Variants in PAWR observed in about 807,000 individuals in gnomAD.
PAWR encodes PRKC apoptosis WT1 regulator protein.
Under a neutral mutation model 32.0 loss-of-function variants are expected in PAWR, and 23 were observed. The observed-to-expected ratio is 0.72, with a 90% CI of 0.52 to 1.02. The LOEUF (loss-of-function observed/expected upper bound fraction) is 1.02, where lower values mean the gene tolerates loss of function less well. Ranked by LOEUF, PAWR falls within the 50% of genes least tolerant of loss-of-function variation. The pLI, the probability that PAWR is intolerant of heterozygous loss-of-function variation, is 0.00. For missense variants in PAWR, 457 were observed against 437.7 expected (o/e 1.04, Z -0.39); for synonymous variants, 226 against 187.1 (o/e 1.21, Z -1.70).
chr12:79,664,482 T>C (rs540704890), intron 2 of PAWR, among the ~76,000 whole-genome samples: 1 of 152,248 alleles, frequency 6.6e-6, no homozygotes, highest in African/African-American at 2.4e-5. Flanking sequence ...ATACTAAACC[T>C]ATATTTACTG....
chr12:79,639,814 C>T (rs886245488), intron 2 of PAWR, among the ~76,000 whole-genome samples: 1 of 136,538 alleles, frequency 7.3e-6, no homozygotes, highest in African/African-American at 3.4e-5. Context: ...CCATTCCATT[C>T]CTTTTCCTTT....
At chr12:79,604,212 A>G in intron 4 of PAWR, 1 of 977,940 alleles carries the variant, frequency 1.0e-6, no homozygotes, top group Middle Eastern at 5.2e-4. Flanking sequence ...GAATGTTAAC[A>G]TAAATCTCTA....
intron 2 of PAWR, among the ~76,000 whole-genome samples, chr12:79,675,028 T>C (rs910053411): frequency 2.0e-5 from 3 of 152,114 alleles, no homozygotes; most frequent in African/African-American, 7.2e-5. Context: ...AAAACAGAAC[T>C]ACCATCCAGA....
chr12:79,672,370 C>A (rs1246269281), intron 2 of PAWR, among the ~76,000 whole-genome samples: 1 of 152,158 alleles, frequency 6.6e-6, no homozygotes, highest in Non-Finnish European at 1.5e-5. Flanking sequence ...AAGTTTCCTG[C>A]CTCAAAACCT....
intron 3 of PAWR, among the ~76,000 whole-genome samples, chr12:79,616,840 G>T (rs148309096): frequency 2.4e-3 from 371 of 152,174 alleles, no homozygotes; most frequent in Non-Finnish European, 4.2e-3. Context: ...ACGTTGGTAC[G>T]AAAAGTAATT....
At position 79,621,214 on chromosome 12, in the gene PAWR, GAA is replaced by G. The variant is rs746919194; in HGVS notation, c.517-9_517-8del. The G allele has an allele frequency of 7.6e-6, 12 of 1,581,282 alleles. No individual in the cohort carries two copies. Among genetic ancestry groups the G allele is most frequent in the East Asian group, 6.7e-5 (3 of 44,582 alleles). On this transcript the variant is annotated splice_region_variant and splice_polypyrimidine_tract_variant and intron_variant, in intron 2 of 6. Coordinates refer to ENST00000328827, the MANE Select transcript of PAWR (RefSeq NM_002583.4). ...CTTCGTACTCATCTAAGCACTGAAA[GAA>G]AAAAAGAGTTTCCATTTTATTTCTA... is the stretch of plus-strand genomic sequence containing the variant.
intron 2 of PAWR, among the ~76,000 whole-genome samples, chr12:79,651,759 C>G (rs1260646585): frequency 6.6e-6 from 1 of 151,998 alleles, no homozygotes; most frequent in Non-Finnish European, 1.5e-5. Flanking sequence ...TCCTTGGTCT[C>G]TTCTGTAGTA....
At chr12:79,607,392 T>C (rs1280796262) in intron 4 of PAWR, among the ~76,000 whole-genome samples, 1 of 152,154 alleles carries the variant, frequency 6.6e-6, no homozygotes, top group Non-Finnish European at 1.5e-5. Context: ...CTGAGAGATA[T>C]ATTTGGTCGT....
At chr12:79,638,633 T>C (rs954649075) in intron 2 of PAWR, among the ~76,000 whole-genome samples, 4 of 151,576 alleles carry the variant, frequency 2.6e-5, no homozygotes, top group Admixed American at 6.6e-5. Context: ...GTTTCAACTA[T>C]GTACACAGAA....
At chr12:79,626,445 G>A (rs1417103832) in intron 2 of PAWR, among the ~76,000 whole-genome samples, 1 of 150,638 alleles carries the variant, frequency 6.6e-6, no homozygotes, top group Non-Finnish European at 1.5e-5. Context: ...ATTTTTAGTA[G>A]ATATGAGGGT....
chr12:79,603,667 A>ATTTT (rs899732732), intron 4 of PAWR: 11 of 97,892 alleles, frequency 1.1e-4, no homozygotes, highest in East Asian at 3.4e-4. Context: ...TCATTATGCT[A>ATTTT]TTTTTTTTTT....
At chr12:79,664,259 C>CA (rs1455928914) in intron 2 of PAWR, among the ~76,000 whole-genome samples, 3 of 152,030 alleles carry the variant, frequency 2.0e-5, no homozygotes, top group Admixed American at 2.0e-4. Context: ...TTTCATTACT[C>CA]AAAAAGATCT....
At chr12:79,622,066 A>T (rs1875048079) in intron 2 of PAWR, among the ~76,000 whole-genome samples, 1 of 152,148 alleles carries the variant, frequency 6.6e-6, no homozygotes, top group African/African-American at 2.4e-5. Flanking sequence ...TTGTAGAGAC[A>T]CTAAGGAACT....
chr12:79,600,939 G>C (rs1413615452), intron 4 of PAWR, among the ~76,000 whole-genome samples: 8 of 152,076 alleles, frequency 5.3e-5, no homozygotes, highest in Admixed American at 4.6e-4. Flanking sequence ...TGGATGTGAT[G>C]ATGACAAGTC....
intron 2 of PAWR, among the ~76,000 whole-genome samples, chr12:79,671,024 C>T (rs1019427065): frequency 4.7e-5 from 7 of 148,808 alleles, no homozygotes; most frequent in Admixed American, 3.4e-4. Flanking sequence ...CACAGTAGCA[C>T]GAACCTCTAG....
intron 3 of PAWR, among the ~76,000 whole-genome samples, chr12:79,616,981 G>A (rs1038276826): frequency 6.6e-6 from 1 of 152,132 alleles, no homozygotes; most frequent in African/African-American, 2.4e-5. Context: ...CAGACGACAC[G>A]AGTTTATTCC....
intron 4 of PAWR, among the ~76,000 whole-genome samples, chr12:79,607,980 C>G (rs185872311): frequency 6.8e-6 from 1 of 147,144 alleles, no homozygotes; most frequent in African/African-American, 2.5e-5. Flanking sequence ...ACCTGGGAGG[C>G]GGAGGTTGCA....
Position 79,590,698 on chromosome 12 carries a change from A to G in PAWR, c.*1909T>C, listed in dbSNP as rs1873528573. ...ATAAGGACATGTGTGCCACATAACT[A>G]AGGGTAACTAAAGGAAGATGAGTAC... On this transcript the variant is annotated 3_prime_UTR_variant, in exon 7 of 7. Coordinates refer to ENST00000328827, the MANE Select transcript of PAWR (RefSeq NM_002583.4). 1 of 152,212 alleles carries G rather than the reference A, an allele frequency of 6.6e-6. No homozygotes were observed. Among genetic ancestry groups the G allele is most frequent in the African/African-American group, 2.4e-5 (1 of 41,452 alleles). The allele number at this position is 152,212 out of a possible 1,614,324, so 9.4% of individuals were successfully genotyped here.
intron 4 of PAWR, among the ~76,000 whole-genome samples, chr12:79,612,012 T>A (rs1003216935): frequency 6.6e-6 from 1 of 152,102 alleles, no homozygotes; most frequent in African/African-American, 2.4e-5. Flanking sequence ...TACAACAAAC[T>A]TGATAAGTTG....
Sources: gnomAD v4.1 joint callset for allele counts (sites outside exome capture counted in the v4.1 genomes callset) on GRCh38, gnomAD v4.1.1 for gene constraint, MANE v1.5 for transcripts, NCBI Gene and HGNC (gene_info 2026-07-23, HGNC 2026-07-21) for gene names.